SLC20A2: variants seen among roughly 807,000 people sequenced by gnomAD.
SLC20A2 encodes the protein sodium-dependent phosphate transporter 2.
A neutral mutation model predicts 61.0 loss-of-function variants in SLC20A2; 30 were observed. The ratio of observed to expected loss-of-function variants is 0.49; its 90% CI spans 0.37 to 0.67. The LOEUF is 0.67. SLC20A2 is among the 30% of genes least tolerant of loss of function. SLC20A2 has a pLI of 0.00. For synonymous variants in SLC20A2, 351 were observed against 353.3 expected, an observed-to-expected ratio of 0.99 and a Z score of 0.07; for missense variants, 626 against 866.4, an observed-to-expected ratio of 0.72 and a Z score of 3.48.
At chr8:42,526,596 C>T (rs930293210) in intron 1 of SLC20A2, among the ~76,000 whole-genome samples, 2 of 151,360 alleles carry the variant, frequency 1.3e-5, no homozygotes, top group Non-Finnish European at 2.9e-5. Flanking sequence ...TGGCGTGAAC[C>T]CAGGAGGCAG....
At chr8:42,538,941 G>A (rs1812879453) in intron 1 of SLC20A2, among the ~76,000 whole-genome samples, 1 of 152,136 alleles carries the variant, frequency 6.6e-6, no homozygotes, top group African/African-American at 2.4e-5. Flanking sequence ...CAGCACTTTG[G>A]GAGGCTGAGG....
chr8:42,538,102 CAT>C (rs1258669075), intron 1 of SLC20A2: 1 of 152,064 alleles, frequency 6.6e-6, no homozygotes, highest in Admixed American at 6.6e-5. Context: ...TACTGTTTCA[CAT>C]GTGTACACTA....
At chr8:42,526,134 C>A (rs1042930072) in intron 1 of SLC20A2, among the ~76,000 whole-genome samples, 1 of 152,134 alleles carries the variant, frequency 6.6e-6, no homozygotes, top group South Asian at 2.1e-4. Flanking sequence ...TGGGCAAACA[C>A]GACCCCAGCA....
At chr8:42,449,463 T>A (rs1306069793) in intron 5 of SLC20A2, among the ~76,000 whole-genome samples, 1 of 152,258 alleles carries the variant, frequency 6.6e-6, no homozygotes, top group Non-Finnish European at 1.5e-5. Context: ...TAGAACTTTT[T>A]ATACGAGCTC....
chr8:42,425,838 C>T (rs1041631784), intron 10 of SLC20A2, among the ~76,000 whole-genome samples: 3 of 151,932 alleles, frequency 2.0e-5, no homozygotes, highest in African/African-American at 7.3e-5. Flanking sequence ...GTCAGGAGAT[C>T]GAGACCATCC....
chr8:42,478,696 C>T (rs1808346908), intron 1 of SLC20A2, among the ~76,000 whole-genome samples: 1 of 152,246 alleles, frequency 6.6e-6, no homozygotes, highest in South Asian at 2.1e-4. Flanking sequence ...AAACTGTTCA[C>T]TCACAACTGC....
chr8:42,520,367 A>G (rs1811572603), intron 1 of SLC20A2, among the ~76,000 whole-genome samples: 1 of 151,910 alleles, frequency 6.6e-6, no homozygotes, highest in African/African-American at 2.4e-5. Flanking sequence ...CCACCCAGGA[A>G]CACCAAAAAA....
Position 42,459,924 on chromosome 8 carries a change from G to A in SLC20A2, c.585C>T (p.Val195=), listed in dbSNP as rs751877064. ...GTGCTCCTGTGTACATGATGGAAAA[G>A]ACATTGATTGCTATGGTAGCAGCAT... ...VFYAATIAIN[V]FSIMYTGAPV... Residue 195 remains valine, a synonymous_variant, in exon 5 of 11, where the codon GTC becomes GTT. Coordinates refer to ENST00000520262, the MANE Select transcript of SLC20A2 (RefSeq NM_001257180.2). 3 of 1,613,282 alleles carry A rather than the reference G, an allele frequency of 1.9e-6. No homozygotes were observed. The highest frequency in any genetic ancestry group is 2.5e-6 in the Non-Finnish European group (3 of 1,179,646).
rs1364046351 is a variant in SLC20A2 at position 42,523,167 on chromosome 8, C to T, written c.-265+18654G>A. Reference sequence around the variant, plus strand: ...CCAATATGGTGAAACCCCGTCTCTACTAAAAATACAAAATTAGCTGGGCAT... The same window carrying T: ...CCAATATGGTGAAACCCCGTCTCTATTAAAAATACAAAATTAGCTGGGCAT... On this transcript the variant is annotated intron_variant, in intron 1 of 10. Transcript: ENST00000342228. Among the ~76,000 whole-genome samples, 6 of 152,216 alleles carry T rather than the reference C, an allele frequency of 3.9e-5. No homozygotes were observed. The East Asian group carries it at 1.2e-3, about 29-fold the overall frequency.
At chr8:42,467,700 C>G (rs1451466733) in intron 2 of SLC20A2, among the ~76,000 whole-genome samples, 2 of 152,154 alleles carry the variant, frequency 1.3e-5, no homozygotes, top group Non-Finnish European at 2.9e-5. Context: ...TGTGTCAATC[C>G]TTAAGGCGTG....
Position 42,522,743 on chromosome 8 carries a change from C to T in SLC20A2, c.-265+19078G>A, listed in dbSNP as rs1263562717. 2.0e-5 allele frequency among the ~76,000 whole-genome samples: 3 copies of T among 147,832 alleles called. 1 individual carries two copies. Among genetic ancestry groups the T allele is most frequent in the Non-Finnish European group, 4.5e-5 (3 of 66,328 alleles). On this transcript the variant is annotated intron_variant, in intron 1 of 10. Coordinates refer to the SLC20A2 transcript ENST00000342228. ...TCTCTTCTTTAGAGACTTGTTCTGTCACCCAGGTTGGAGTGTGGTGGTGCG... is the reference window on the plus strand; with the variant it reads ...TCTCTTCTTTAGAGACTTGTTCTGTTACCCAGGTTGGAGTGTGGTGGTGCG...
At chr8:42,468,678 C>G (rs1294631926) in intron 2 of SLC20A2, among the ~76,000 whole-genome samples, 1 of 151,916 alleles carries the variant, frequency 6.6e-6, no homozygotes, top group Non-Finnish European at 1.5e-5. Flanking sequence ...ATCTCAGAGG[C>G]CGCCATTCCC....
upstream of SLC20A2, among the ~76,000 whole-genome samples, chr8:42,504,433 CAGAT>C (rs1423777279): frequency 6.6e-6 from 1 of 151,618 alleles, no homozygotes; most frequent in Non-Finnish European, 1.5e-5. Context: ...GGAACTGAGA[CAGAT>C]AGAAGGGGAA....
rs1342136663 is a variant in SLC20A2 at position 42,437,684 on chromosome 8, T to C, written c.935-107A>G. 1.1e-6 allele frequency: 1 copy of C among 944,514 alleles called. No individual in the cohort carries two copies. The highest frequency in any genetic ancestry group is 1.7e-5 in the African/African-American group (1 of 59,510). 58.5% of individuals were successfully genotyped at this position (944,514 alleles called of 1,614,324 possible). ...CTCAGGGTGGAGTACAATGGCGCAATCTCGGCTCACTGCAACCTTCGCCTC... is the reference window on the plus strand; with the variant it reads ...CTCAGGGTGGAGTACAATGGCGCAACCTCGGCTCACTGCAACCTTCGCCTC... On this transcript the variant is annotated intron_variant, in intron 7 of 10. Coordinates refer to ENST00000520262, the MANE Select transcript of SLC20A2 (RefSeq NM_001257180.2). This position sits in a 1 kb window ranked among gnomAD's most constrained non-coding sequence, Gnocchi z 6.4.
rs376751920 is a variant in SLC20A2 at position 42,439,613 on chromosome 8, G to A, written c.771C>T (p.Asp257=). The change falls in exon 7 of 11, where the codon GAC becomes GAT. Residue 257 remains aspartate, a synonymous_variant. Coordinates refer to ENST00000520262, the MANE Select transcript of SLC20A2 (RefSeq NM_001257180.2). ...QKEGALSRVS[D]ESLSKVQEAE... Reference sequence around the variant, plus strand: ...CTTCCTGAACCTTACTGAGGCTTTCGTCAGATACTCGTGATAAAGCACCTT... The same window carrying A: ...CTTCCTGAACCTTACTGAGGCTTTCATCAGATACTCGTGATAAAGCACCTT... The A allele has an allele frequency of 4.1e-5, 66 of 1,614,160 alleles. No individual in the cohort carries two copies. Among genetic ancestry groups the A allele is most frequent in the Non-Finnish European group, 5.2e-5 (61 of 1,180,006 alleles).
At chr8:42,525,187 G>C (rs181068780) in intron 1 of SLC20A2, among the ~76,000 whole-genome samples, 1 of 152,338 alleles carries the variant, frequency 6.6e-6, no homozygotes, top group African/African-American at 2.4e-5. Context: ...TACAGAAAAA[G>C]GAAGGGAGGC....
intron 8 of SLC20A2, among the ~76,000 whole-genome samples, chr8:42,436,206 C>T (rs1804241346): frequency 6.6e-6 from 1 of 152,118 alleles, no homozygotes; most frequent in Non-Finnish European, 1.5e-5. Flanking sequence ...GTGCACTCTG[C>T]CTCCTGCCTG....
chr8:42,423,420 G>A (rs1327134670), intron 10 of SLC20A2, among the ~76,000 whole-genome samples: 1 of 151,544 alleles, frequency 6.6e-6, no homozygotes, highest in Non-Finnish European at 1.5e-5. Flanking sequence ...CAAACTTCTG[G>A]GCTCAAGCGA....
At chr8:42,431,511 G>A (rs973068818) in intron 8 of SLC20A2, among the ~76,000 whole-genome samples, 2 of 152,232 alleles carry the variant, frequency 1.3e-5, no homozygotes, top group African/African-American at 2.4e-5. Context: ...AAGTGCTGAT[G>A]GAGAAGCTGC....
Sources: allele counts gnomAD v4.1 joint callset (sites outside exome capture counted in the v4.1 genomes callset), GRCh38; gene constraint gnomAD v4.1.1; non-coding constraint Gnocchi (gnomAD v3.1); transcripts MANE v1.5; gene names NCBI Gene and HGNC (gene_info 2026-07-23, HGNC 2026-07-21).